The following TTC17 variants were observed in gnomAD, a reference collection of about 807,000 sequenced individuals.
TTC17 encodes the protein tetratricopeptide repeat protein 17.
Under a neutral mutation model 143.8 loss-of-function variants are expected in TTC17, and 58 were observed. The observed-to-expected ratio is 0.40, with a 90% CI of 0.33 to 0.50. TTC17 has a LOEUF of 0.50. Among genes scored for constraint, TTC17 ranks in the 20% least tolerant of loss-of-function variants. TTC17 has a pLI of 0.49. For synonymous variants in TTC17, 501 were observed against 497.8 expected (o/e 1.01, Z -0.09); for missense variants, 1,273 against 1,392.5 (o/e 0.91, Z 1.37).
chr11:43,362,148 T>TTA lies in TTC17; in HGVS notation c.159+3036_159+3037insAT, dbSNP rs1491119455. On this transcript the variant is annotated intron_variant, in intron 1 of 23. Coordinates refer to ENST00000039989, the MANE Select transcript of TTC17 (RefSeq NM_018259.6). ...GGCATGCACTACCACACCCGGCTAA[T>TTA]TTGTGTGTGTGTGTGTGTGTGTGTG... is the stretch of plus-strand genomic sequence containing the variant. Among the ~76,000 whole-genome samples, 3 of 106,842 alleles carry TTA rather than the reference T, an allele frequency of 2.8e-5. No individual in the cohort carries two copies. In the South Asian group the frequency reaches 1.2e-3, roughly 42 times the overall value. 70.1% of individuals were successfully genotyped at this position (106,842 alleles called of 152,430 possible).
chr11:43,393,221 A>G (rs1857454504), intron 5 of TTC17, among the ~76,000 whole-genome samples: 1 of 152,196 alleles, frequency 6.6e-6, no homozygotes, highest in Non-Finnish European at 1.5e-5. Context: ...CAGTCCCACA[A>G]GGCTACCTGC....
intron 18 of TTC17, chr11:43,445,977 C>G (rs1947531539): frequency 6.6e-7 from 1 of 1,520,144 alleles, no homozygotes; most frequent in Non-Finnish European, 8.8e-7. Flanking sequence ...CATAATGTAA[C>G]TGGATTTCAG....
At chr11:43,435,131 A>ATAGATAGATCGG (rs1238461623) in intron 16 of TTC17, 1 of 150,836 alleles carries the variant, frequency 6.6e-6, no homozygotes, top group Non-Finnish European at 1.5e-5. Flanking sequence ...AGATAGATAG[A>ATAGATAGATCGG]TCGGTCTATC....
At position 43,391,824 on chromosome 11, in the gene TTC17, G is replaced by A. The variant is rs1325099224; in HGVS notation, c.535G>A (p.Val179Ile). ...SIHAFQHLRG[V>I]QERVNLSAPL... The stretch of plus-strand genomic sequence containing the variant: ...TGAATCTTTTTCTTCTCTTCAGGGT[G>A]TACAGGAGAGAGTTAATCTTTCTGC... The change falls in exon 5 of 24, where the codon GTA (valine) becomes ATA (isoleucine). Residue 179 changes from valine (V) to isoleucine (I), a missense_variant. Transcript: ENST00000039989. The A allele has an allele frequency of 1.9e-6, 3 of 1,612,592 alleles. No homozygotes were observed. In the African/African-American group the frequency reaches 4.0e-5, roughly 22 times the overall value.
chr11:43,391,829 GGA>G lies in TTC17; in HGVS notation c.546_547del (p.Arg182SerfsTer2). The stretch of plus-strand genomic sequence containing the variant: ...CTTTTTCTTCTCTTCAGGGTGTACA[GGA>G]GAGAGTTAATCTTTCTGCACCTCTG... ...HAFQHLRGVQ[E>X]RVNLSAPLLP... On this transcript the variant is annotated frameshift_variant, in exon 5 of 24. Transcript: ENST00000039989. LOFTEE classifies it high-confidence loss of function. 1 of 1,613,136 alleles carries G rather than the reference GGA, an allele frequency of 6.2e-7. No individual in the cohort carries two copies. The highest frequency in any genetic ancestry group is 8.5e-7 in the Non-Finnish European group (1 of 1,179,782).
chr11:43,382,917 T>G (rs1233079751), intron 2 of TTC17, among the ~76,000 whole-genome samples: 2 of 152,042 alleles, frequency 1.3e-5, no homozygotes, highest in Non-Finnish European at 2.9e-5. Flanking sequence ...TTCTTTTTTT[T>G]GAGACAGGGT....
chr11:43,430,990 G>T (rs972098216), intron 16 of TTC17, among the ~76,000 whole-genome samples: 3 of 152,010 alleles, frequency 2.0e-5, no homozygotes, highest in Non-Finnish European at 4.4e-5. Flanking sequence ...TGTTCTCATT[G>T]TTCAGCTCCC....
At chr11:43,493,219 A>G (rs910234702) in intron 23 of TTC17, among the ~76,000 whole-genome samples, 4 of 152,214 alleles carry the variant, frequency 2.6e-5, no homozygotes, top group African/African-American at 9.6e-5. Flanking sequence ...TATGGCAGGG[A>G]TCATTTCCCA....
chr11:43,397,964 G>A lies in TTC17; in HGVS notation c.919-10G>A, dbSNP rs772928831. ...TGTGTGTGTGTGTATGTTTGTTTTT[G>A]TCTCTTCAGATGCTTGGGGAATATA... On this transcript the variant is annotated splice_polypyrimidine_tract_variant and intron_variant, in intron 7 of 23. Transcript: ENST00000039989. The A allele has an allele frequency of 6.3e-7, 1 of 1,593,832 alleles. No homozygotes were observed. The highest frequency in any genetic ancestry group is 1.1e-5 in the South Asian group (1 of 90,130).
intron 16 of TTC17, among the ~76,000 whole-genome samples, chr11:43,437,459 A>C (rs1004766344): frequency 6.6e-6 from 1 of 152,214 alleles, no homozygotes; most frequent in African/African-American, 2.4e-5. Flanking sequence ...TCAATACAGA[A>C]TTTTAAAGGC....
chr11:43,437,420 CTGTA>C (rs1316737370), intron 16 of TTC17, among the ~76,000 whole-genome samples: 1 of 152,126 alleles, frequency 6.6e-6, no homozygotes, highest in Non-Finnish European at 1.5e-5. Context: ...TTATTTTAGT[CTGTA>C]TGTGAAGAAA....
intron 3 of TTC17, among the ~76,000 whole-genome samples, chr11:43,390,508 C>T (rs979368070): frequency 3.3e-5 from 5 of 151,656 alleles, no homozygotes; most frequent in African/African-American, 4.8e-5. Flanking sequence ...CCCAGCTACT[C>T]GGGAAGCTGA....
At position 43,494,765 on chromosome 11, in the gene TTC17, T is replaced by C. The variant is rs562363410; in HGVS notation, c.*861T>C. Reference sequence around the variant, plus strand: ...GAATAAGTTGTGAATGTCAGCTCCCTCTCTCTGAGGCCTCCAGACTTAGCT... The same window carrying C: ...GAATAAGTTGTGAATGTCAGCTCCCCCTCTCTGAGGCCTCCAGACTTAGCT... On this transcript the variant is annotated 3_prime_UTR_variant, in exon 24 of 24. Transcript: ENST00000039989. The C allele has an allele frequency of 9.9e-5, 15 of 152,278 alleles. No homozygotes were observed. The South Asian group carries it at 2.9e-3, about 29-fold the overall frequency. The allele number at this position is 152,278 out of a possible 1,614,324, so 9.4% of individuals were successfully genotyped here.
In TTC17 at chr11:43,405,877, C is replaced by G. The variant is rs752769060; in HGVS notation, c.1687C>G (p.Leu563Val). 14 of 1,614,094 alleles carry G rather than the reference C, an allele frequency of 8.7e-6. No individual in the cohort carries two copies. The highest frequency in any genetic ancestry group is 1.1e-5 in the Non-Finnish European group (13 of 1,179,958). The change falls in exon 13 of 24, where the codon CTG becomes GTG. Residue 563 changes from leucine (L) to valine (V), a missense_variant. Leu to Val is a conservative substitution (Grantham distance 32). Coordinates refer to ENST00000039989, the MANE Select transcript of TTC17 (RefSeq NM_018259.6). ...AACTGACTTCAGAAAAAGCCACACTCTGTCCTACTTAGTCAAAGAATTAGA... is the reference window on the plus strand; with the variant it reads ...AACTGACTTCAGAAAAAGCCACACTGTGTCCTACTTAGTCAAAGAATTAGA... ...SITDFRKSHT[L>V]SYLVKELEVR... is the part of the protein sequence containing the mutation.
At chr11:43,475,452 C>A (rs1948168372) in intron 21 of TTC17, among the ~76,000 whole-genome samples, 1 of 152,140 alleles carries the variant, frequency 6.6e-6, no homozygotes, top group South Asian at 2.1e-4. Context: ...TCCACCTCAG[C>A]CTCCCAAGCA....
At chr11:43,449,838 G>C (rs890785495) in intron 19 of TTC17, 4 of 451,492 alleles carry the variant, frequency 8.9e-6, no homozygotes, top group African/African-American at 8.0e-5. Flanking sequence ...GGGGAGGAAT[G>C]TGCTGCTGTG....
chr11:43,486,212 A>G lies in TTC17; in HGVS notation c.3031-4027A>G, dbSNP rs556496478. Among the ~76,000 whole-genome samples, 7 of 152,230 alleles carry G rather than the reference A, an allele frequency of 4.6e-5. No individual in the cohort carries two copies. The South Asian group carries it at 1.5e-3, about 32-fold the overall frequency. ...CGGTTTCAGTTATCCACAGTCTATT[A>G]TGGTCCAAAAATATTAAATGGAAAA... On this transcript the variant is annotated intron_variant, in intron 21 of 23. Coordinates refer to ENST00000039989, the MANE Select transcript of TTC17 (RefSeq NM_018259.6).
intron 15 of TTC17, among the ~76,000 whole-genome samples, chr11:43,408,791 G>A (rs1157693008): frequency 6.6e-6 from 1 of 151,934 alleles, no homozygotes; most frequent in African/African-American, 2.4e-5. Flanking sequence ...GCCCAGGCTG[G>A]AGTGCAGTGG....
intron 1 of TTC17, among the ~76,000 whole-genome samples, chr11:43,375,345 A>G (rs973124582): frequency 2.0e-5 from 3 of 152,216 alleles, no homozygotes; most frequent in African/African-American, 4.8e-5. Flanking sequence ...ACTTATGGAT[A>G]TTGGATAGCA....
Sources: gnomAD v4.1 joint callset for allele counts (sites outside exome capture counted in the v4.1 genomes callset) on GRCh38, gnomAD v4.1.1 for gene constraint, MANE v1.5 for transcripts, NCBI Gene and HGNC (gene_info 2026-07-23, HGNC 2026-07-21) for gene names.